Variants in SLC4A1AP observed in about 807,000 individuals in gnomAD.
SLC4A1AP encodes solute carrier family 4 member 1 adaptor protein, also known as kanadaptin.
Under a neutral mutation model 89.7 loss-of-function variants are expected in SLC4A1AP, and 64 were observed. The observed-to-expected ratio is 0.71, with a 90% CI of 0.58 to 0.88. The LOEUF (loss-of-function observed/expected upper bound fraction) is 0.88. SLC4A1AP is among the 40% of genes least tolerant of loss of function. SLC4A1AP has a pLI of 0.00. For missense variants in SLC4A1AP, 931 were observed against 965.0 expected, an observed-to-expected ratio of 0.96 and a Z score of 0.47; for synonymous variants, 366 against 353.3, an observed-to-expected ratio of 1.04 and a Z score of -0.40.
At chr2:27,682,495 C>A in intron 9 of SLC4A1AP, 136 bp downstream of exon 9, 2 of 492,018 alleles carry the variant, frequency 4.1e-6, no homozygotes, top group Non-Finnish European at 7.2e-6. Context: ...GGTATGATCA[C>A]ATCTTTCCCA....
At chr2:27,669,332 C>T in exon 5 of SLC4A1AP, 1 of 1,613,490 alleles carries the variant, frequency 6.2e-7, no homozygotes, top group Non-Finnish European at 8.5e-7. Flanking sequence ...TGATCCAGTG[C>T]TCATTGGAAG....
chr2:27,681,386 G>C (rs1165623608), intron 8 of SLC4A1AP, among the ~76,000 whole-genome samples: 2 of 152,176 alleles, frequency 1.3e-5, no homozygotes, highest in Admixed American at 1.3e-4. Flanking sequence ...GGGCTTCAGG[G>C]AGGGCCAGGT....
At chr2:27,688,170 A>G (rs913655447) in intron 11 of SLC4A1AP, 150 bp downstream of exon 11, 2 of 621,424 alleles carry the variant, frequency 3.2e-6, no homozygotes, top group Non-Finnish European at 5.6e-6. Context: ...TTGGAACATA[A>G]GAGAGGTTTG....
At chr2:27,664,471 A>G (rs989662241) in exon 1 of SLC4A1AP, 1 of 1,614,206 alleles carries the variant, frequency 6.2e-7, no homozygotes, top group South Asian at 1.1e-5. Context: ...GGAAGCACCC[A>G]TGGCACTTTT....
intron 9 of SLC4A1AP, among the ~76,000 whole-genome samples, chr2:27,682,585 C>T (rs1268757844): frequency 3.4e-5 from 5 of 145,472 alleles, no homozygotes; most frequent in African/African-American, 7.7e-5. Context: ...AGTGCAGTGG[C>T]GTGATCTCGG....
At chr2:27,691,377 T>G (rs1675784074) in intron 12 of SLC4A1AP, among the ~76,000 whole-genome samples, 1 of 152,116 alleles carries the variant, frequency 6.6e-6, no homozygotes, top group South Asian at 2.1e-4. Flanking sequence ...ATTTCTGTGG[T>G]GTTGCTTGTA....
chr2:27,685,379 TTGTA>T, intron 10 of SLC4A1AP, 102 bp downstream of exon 10: 2 of 1,435,508 alleles, frequency 1.4e-6, no homozygotes, highest in Non-Finnish European at 1.9e-6. Flanking sequence ...GCATTTGACT[TTGTA>T]TGTGATATAC....
chr2:27,667,351 G>A, exon 3 of SLC4A1AP: 2 of 1,613,470 alleles, frequency 1.2e-6, no homozygotes, highest in African/African-American at 2.7e-5. Flanking sequence ...TTATATAAAG[G>A]ATCCCAAAAA....
At chr2:27,672,286 C>T (rs1217774652) in intron 5 of SLC4A1AP, among the ~76,000 whole-genome samples, 1 of 151,946 alleles carries the variant, frequency 6.6e-6, no homozygotes, top group Non-Finnish European at 1.5e-5. Context: ...CTTGGACAGA[C>T]CATTTAAGTT....
rs370726882 is a variant in SLC4A1AP, at chr2:27,693,621, C to T, written c.2272-64C>T. 15 of 1,326,576 alleles carry T rather than the reference C, an allele frequency of 1.1e-5. No homozygotes were observed. The African/African-American group carries it at 1.9e-4, about 17-fold the overall frequency. 82.2% of individuals were successfully genotyped at this position (1,326,576 alleles called of 1,614,324 possible). ...GCTAACAATAGGACCCCAATCCCTT[C>T]TGCAGTTGTAAGGTTTCTGGAGAGA... On this transcript the variant is annotated intron_variant, in intron 12 of 13. Coordinates refer to ENST00000613058, the Ensembl canonical transcript of SLC4A1AP.
exon 5 of SLC4A1AP, chr2:27,669,287 T>A: frequency 1.2e-6 from 2 of 1,613,078 alleles, no homozygotes; most frequent in Non-Finnish European, 1.7e-6. Flanking sequence ...AACTGGTGGC[T>A]GAGGCCATTC....
At chr2:27,685,890 C>A (rs1292627857) in intron 10 of SLC4A1AP, among the ~76,000 whole-genome samples, 1 of 152,032 alleles carries the variant, frequency 6.6e-6, no homozygotes. Flanking sequence ...ATTCTAATTA[C>A]AAAGGGTTAT....
chr2:27,664,545 T>C lies in SLC4A1AP; in HGVS notation c.793T>C (p.Phe265Leu), dbSNP rs1675271400. The C allele has an allele frequency of 2.5e-6, 4 of 1,613,066 alleles. No homozygotes were observed. In the East Asian group the frequency reaches 8.9e-5, roughly 36 times the overall value. Residue 265 changes from phenylalanine (F) to leucine (L), a missense_variant, in exon 1 of 14, where the codon TTT becomes CTT. Transcript: ENST00000613058. ...AGTCCACGTTGGGCATGTTGTTCGC[T>C]TTGGAGGCAGCACCCGGCTCTTTAT... is the stretch of plus-strand genomic sequence containing the variant.
At chr2:27,677,583 C>T (rs1675544879) in intron 7 of SLC4A1AP, among the ~76,000 whole-genome samples, 155 bp from the exon 8 acceptor site, 1 of 152,134 alleles carries the variant, frequency 6.6e-6, no homozygotes, top group South Asian at 2.1e-4. Context: ...AAATGACTTC[C>T]CAAGGTCTCA....
At chr2:27,691,403 T>C (rs1675784293) in intron 12 of SLC4A1AP, among the ~76,000 whole-genome samples, 1 of 152,094 alleles carries the variant, frequency 6.6e-6, no homozygotes, top group Non-Finnish European at 1.5e-5. Context: ...TCCATTTTCC[T>C]TTCTAATTGA....
At chr2:27,677,715 T>C (rs776899355) in intron 7 of SLC4A1AP, 23 bp from the exon 8 acceptor site, 1 of 1,542,342 alleles carries the variant, frequency 6.5e-7, no homozygotes, top group African/African-American at 1.4e-5. Context: ...TTTCTAAACA[T>C]GTGTTATTCT....
chr2:27,667,223 C>T (rs1675343893), intron 2 of SLC4A1AP, 45 bp from the exon 3 acceptor site: 2 of 1,582,100 alleles, frequency 1.3e-6, no homozygotes, highest in African/African-American at 1.4e-5. Flanking sequence ...CAAATAGTCT[C>T]TTCTCATGTC....
intron 9 of SLC4A1AP, among the ~76,000 whole-genome samples, chr2:27,683,559 C>G (rs915970834): frequency 6.6e-6 from 1 of 152,082 alleles, no homozygotes; most frequent in African/African-American, 2.4e-5. Context: ...AGTTAGGGCC[C>G]CACCCTAATA....
At chr2:27,691,965 TTC>T (rs146101424) in intron 12 of SLC4A1AP, 3,494 of 149,352 alleles carry the variant, frequency 0.023, 89 homozygotes, top group African/African-American at 0.06. Flanking sequence ...TTTCAGACTT[TTC>T]TCTCTCTCTC....
Sources: allele counts gnomAD v4.1 joint callset (sites outside exome capture counted in the v4.1 genomes callset), GRCh38; gene constraint gnomAD v4.1.1; transcripts MANE v1.5; gene names NCBI Gene and HGNC (gene_info 2026-07-23, HGNC 2026-07-21).